The following LAMA4 variants were observed in gnomAD, a reference collection of about 807,000 sequenced individuals.
LAMA4 encodes the protein laminin subunit alpha 4, also known as laminin subunit alpha-4.
Under a neutral mutation model 207.1 loss-of-function variants are expected in LAMA4, and 127 were observed. The ratio of observed to expected loss-of-function variants is 0.61; its 90% CI spans 0.53 to 0.71. The LOEUF is 0.71. Among genes scored for constraint, LAMA4 ranks in the 30% least tolerant of loss-of-function variants. The pLI is 0.00. For synonymous variants in LAMA4, 761 were observed against 816.0 expected (o/e 0.93, Z 1.15); for missense variants, 2,093 against 2,246.5 (o/e 0.93, Z 1.38).
rs1158549724 is a variant in LAMA4, at chr6:112,185,222, T to C, written c.1077+15A>G. On this transcript the variant is annotated intron_variant, in intron 9 of 38. Transcript: ENST00000230538. ...TTTGAAGGCTGTCCCAGAAACTGAA[T>C]ACATACATACGTACCTTTTCAACTA... 1 of 1,498,198 alleles carries C rather than the reference T, an allele frequency of 6.7e-7. No homozygotes were observed. Among genetic ancestry groups the C allele is most frequent in the African/African-American group, 1.4e-5 (1 of 72,472 alleles). 92.8% of individuals were successfully genotyped at this position (1,498,198 alleles called of 1,614,324 possible).
At chr6:112,172,378 A>C (rs1781766312) in intron 12 of LAMA4, 1 of 515,788 alleles carries the variant, frequency 1.9e-6, no homozygotes, top group African/African-American at 1.9e-5. Flanking sequence ...GGACACAAGC[A>C]TCAGAACTAC....
At chr6:112,247,668 T>C (rs552878520) in intron 2 of LAMA4, among the ~76,000 whole-genome samples, 66 of 152,322 alleles carry the variant, frequency 4.3e-4, no homozygotes, top group African/African-American at 5.3e-4. Flanking sequence ...CTTTTTTACC[T>C]GGCCCCTATA....
At position 112,224,112 on chromosome 6, in the gene LAMA4, T is replaced by G. The variant is rs570637337; in HGVS notation, c.196-7643A>C. 5.9e-5 allele frequency among the ~76,000 whole-genome samples: 9 copies of G among 152,272 alleles called. No homozygotes were observed. The South Asian group carries it at 1.7e-3, about 28-fold the overall frequency. On this transcript the variant is annotated intron_variant, in intron 2 of 38. Coordinates refer to ENST00000230538, the MANE Select transcript of LAMA4 (RefSeq NM_001105206.3). ...CATCTGGCCTTCCTCTCACATACCA[T>G]GCACTTTCACATCCACAGGGATGAG...
At chr6:112,172,387 A>G in intron 12 of LAMA4, 1 of 540,508 alleles carries the variant, frequency 1.9e-6, no homozygotes, top group Non-Finnish European at 3.3e-6. Context: ...CATCAGAACT[A>G]CTGCGTTCTT....
rs960907919 is a variant in LAMA4 at position 112,191,542 on chromosome 6, C to A, written c.718+94G>T. 24 of 942,278 alleles carry A rather than the reference C, an allele frequency of 2.5e-5. No homozygotes were observed. The African/African-American group carries it at 3.7e-4, about 15-fold the overall frequency. The allele number at this position is 942,278 out of a possible 1,614,324, so 58.4% of individuals were successfully genotyped here. On this transcript the variant is annotated intron_variant, in intron 6 of 38. Coordinates refer to ENST00000230538, the MANE Select transcript of LAMA4 (RefSeq NM_001105206.3). ...TGGGAAAGTGACAAGGGGGCACTCA[C>A]AATACTTCCCCAAGAGAAATTCTTC...
chr6:112,222,053 G>A (rs1468902865), intron 2 of LAMA4, among the ~76,000 whole-genome samples: 1 of 152,116 alleles, frequency 6.6e-6, no homozygotes, highest in Non-Finnish European at 1.5e-5. Flanking sequence ...GGCTTAACAT[G>A]TCCTGATTTT....
rs1779322567 is a variant in LAMA4, at chr6:112,136,082, A to C, written c.3414+41T>G. On this transcript the variant is annotated intron_variant, in intron 25 of 38. Coordinates refer to ENST00000230538, the MANE Select transcript of LAMA4 (RefSeq NM_001105206.3). ...GATTAGATCAACAGATCTAAGTATA[A>C]AGAACAAAAACAAAACCAACCAAAC... is the stretch of plus-strand genomic sequence containing the variant. 1.9e-6 allele frequency: 3 copies of C among 1,588,768 alleles called. No homozygotes were observed. The East Asian group carries it at 6.7e-5, about 36-fold the overall frequency.
chr6:112,136,306 T>A (rs782817218), intron 24 of LAMA4, 52 bp from the exon 25 acceptor site: 2 of 1,446,742 alleles, frequency 1.4e-6, no homozygotes, highest in Non-Finnish European at 1.9e-6. Context: ...GCGAGTAGAG[T>A]CAGATTTAGC....
In LAMA4 at chr6:112,228,341, A is replaced by G. The variant is rs192268068; in HGVS notation, c.196-11872T>C. ...CTCTTCCTTTATGTGAAGGTAAAAT[A>G]ATTTGTCAATTAAAGCAGATGGTAG... On this transcript the variant is annotated intron_variant, in intron 2 of 38. Transcript: ENST00000230538. Among the ~76,000 whole-genome samples the G allele has an allele frequency of 2.6e-3, 389 of 152,342 alleles. 1 individual carries two copies. The highest frequency in any genetic ancestry group is 4.0e-3 in the Non-Finnish European group (274 of 68,028).
chr6:112,189,311 CAATGGG>C, intron 6 of LAMA4, 106 bp from the exon 7 acceptor site: 2 of 759,980 alleles, frequency 2.6e-6, no homozygotes, highest in Non-Finnish European at 4.7e-6. Flanking sequence ...TATAATTCAT[CAATGGG>C]AATTAATTAC....
intron 17 of LAMA4, 155 bp downstream of exon 17, chr6:112,150,356 G>A: frequency 4.1e-6 from 3 of 724,896 alleles, no homozygotes; most frequent in Non-Finnish European, 5.0e-6. Context: ...TTGTTTTCTA[G>A]AACTTTTTTT....
At position 112,184,138 on chromosome 6, in the gene LAMA4, A is replaced by G. The variant is rs541297616; in HGVS notation, c.1077+1099T>C. On this transcript the variant is annotated intron_variant, in intron 9 of 38. Coordinates refer to ENST00000230538, the MANE Select transcript of LAMA4 (RefSeq NM_001105206.3). ...GGATTAATATGTGCCATTGCCGGGA[A>G]CTAGGGACACAATTTTCATGATAAT... Among the ~76,000 whole-genome samples the G allele has an allele frequency of 3.3e-5, 5 of 152,122 alleles. No individual in the cohort carries two copies. In the East Asian group the frequency reaches 9.7e-4, roughly 29 times the overall value.
chr6:112,132,635 A>T, intron 28 of LAMA4, 118 bp downstream of exon 28: 1 of 920,130 alleles, frequency 1.1e-6, no homozygotes, highest in Non-Finnish European at 1.7e-6. Context: ...CTGTGTGTCT[A>T]CGTGTGAGTC....
In LAMA4 at chr6:112,119,235, G is replaced by A. The variant is rs138830179; in HGVS notation, c.4742C>T (p.Pro1581Leu). ...GLRVLEESLP[P>L]TEATWKIKGP... ...CTTGATTTTCCAGGTAGCTTCAGTA[G>A]GAGGAAGACTTTCTTCTAGGACTCG... The change falls in exon 34 of 39, where the codon CCT becomes CTT. Residue 1581 changes from proline (P) to leucine (L), a missense_variant. Transcript: ENST00000230538. 2 of 1,613,998 alleles carry A rather than the reference G, an allele frequency of 1.2e-6. No individual in the cohort carries two copies. Among genetic ancestry groups the A allele is most frequent in the East Asian group, 2.2e-5 (1 of 44,878 alleles).
intron 2 of LAMA4, chr6:112,218,762 T>C (rs9487854): frequency 0.046 from 7,070 of 152,318 alleles, 218 homozygotes; most frequent in East Asian, 0.15. Flanking sequence ...TCTCTTATAA[T>C]GTGGGAGATG....
intron 38 of LAMA4, among the ~76,000 whole-genome samples, chr6:112,109,975 A>C: frequency 6.6e-6 from 1 of 152,166 alleles, no homozygotes; most frequent in Non-Finnish European, 1.5e-5. Context: ...TAGCTTCCAC[A>C]CTATTTTTGG....
chr6:112,252,551 A>G (rs1787534152), intron 2 of LAMA4, among the ~76,000 whole-genome samples: 1 of 152,200 alleles, frequency 6.6e-6, no homozygotes, highest in African/African-American at 2.4e-5. Context: ...TTTAATATAA[A>G]TATGTCCTCT....
intron 3 of LAMA4, among the ~76,000 whole-genome samples, chr6:112,209,267 G>A (rs782725552): frequency 6.6e-6 from 1 of 152,162 alleles, no homozygotes; most frequent in African/African-American, 2.4e-5. Context: ...TAAGATGTTA[G>A]GCCATTCTTT....
chr6:112,117,955 G>A lies in LAMA4; in HGVS notation c.4822-57C>T. On this transcript the variant is annotated intron_variant, in intron 34 of 38. Coordinates refer to ENST00000230538, the MANE Select transcript of LAMA4 (RefSeq NM_001105206.3). The surrounding 1 kb of genome is among the most constrained non-coding windows in gnomAD (Gnocchi z 4.5). ...TTTCTCAACACAAATGCACCAAGGG[G>A]AAGCAAAATGAGGGGGTTTGAGTCC... 4 of 1,494,964 alleles carry A rather than the reference G, an allele frequency of 2.7e-6. No homozygotes were observed. Among genetic ancestry groups the A allele is most frequent in the Non-Finnish European group, 3.7e-6 (4 of 1,074,766 alleles). The allele number at this position is 1,494,964 out of a possible 1,614,324, so 92.6% of individuals were successfully genotyped here.
Sources: gnomAD v4.1 joint callset for allele counts (sites outside exome capture counted in the v4.1 genomes callset) on GRCh38, gnomAD v4.1.1 for gene constraint, Gnocchi (gnomAD v3.1) non-coding constraint, MANE v1.5 for transcripts, NCBI Gene and HGNC (gene_info 2026-07-23, HGNC 2026-07-21) for gene names.